COG5: variants seen among roughly 807,000 people sequenced by gnomAD.
COG5 encodes component of oligomeric golgi complex 5.
Under a neutral mutation model 110.4 loss-of-function variants are expected in COG5, and 86 were observed. The ratio of observed to expected loss-of-function variants is 0.78; its 90% confidence interval spans 0.65 to 0.93. The LOEUF (loss-of-function observed/expected upper bound fraction) is 0.93, where lower values mean the gene tolerates loss of function less well. COG5 is among the 40% of genes least tolerant of loss of function. COG5 has a pLI of 0.00. For synonymous variants in COG5, 360 were observed against 334.6 expected, an observed-to-expected ratio of 1.08 and a Z score of -0.83; for missense variants, 1,077 against 987.0, an observed-to-expected ratio of 1.09 and a Z score of -1.22.
At chr7:107,290,794 A>T (rs1806101086) in intron 12 of COG5, among the ~76,000 whole-genome samples, 1 of 151,958 alleles carries the variant, frequency 6.6e-6, no homozygotes, top group Non-Finnish European at 1.5e-5. Flanking sequence ...ACTCCCTTGT[A>T]AGTGAAGTAT....
chr7:107,361,226 C>A (rs192080232), intron 10 of COG5, among the ~76,000 whole-genome samples: 3 of 152,248 alleles, frequency 2.0e-5, no homozygotes, highest in Admixed American at 2.0e-4. Context: ...AATGTAGAAT[C>A]AGGGATTCCT....
At chr7:107,240,584 CTT>C (rs1801537308) in intron 17 of COG5, among the ~76,000 whole-genome samples, 1 of 152,200 alleles carries the variant, frequency 6.6e-6, no homozygotes, top group African/African-American at 2.4e-5. Flanking sequence ...TGAAGGTAAA[CTT>C]TATTCCTTTT....
chr7:107,512,488 T>G (rs893045179), intron 6 of COG5, among the ~76,000 whole-genome samples: 1 of 152,084 alleles, frequency 6.6e-6, no homozygotes, highest in African/African-American at 2.4e-5. Context: ...AATTTATAGA[T>G]TCAATGCCAT....
chr7:107,458,194 GA>G (rs1439773490), intron 6 of COG5, among the ~76,000 whole-genome samples: 16 of 152,154 alleles, frequency 1.1e-4, no homozygotes, highest in Admixed American at 9.2e-4. Context: ...AAGAAAAACA[GA>G]AAGAATTTGT....
chr7:107,509,179 A>C (rs1020065931), intron 6 of COG5, among the ~76,000 whole-genome samples: 2 of 152,196 alleles, frequency 1.3e-5, no homozygotes, highest in African/African-American at 4.8e-5. Flanking sequence ...TAACTAGAAT[A>C]ACCAATGCAG....
At chr7:107,215,867 A>G (rs62483628) in intron 19 of COG5, among the ~76,000 whole-genome samples, 77,719 of 150,994 alleles carry the variant, frequency 0.51, 20,166 homozygotes, top group African/African-American at 0.57. Context: ...CTGCCACCAC[A>G]CCTGGCTAAT....
intron 11 of COG5, among the ~76,000 whole-genome samples, chr7:107,300,927 C>A (rs1807207041): frequency 6.6e-6 from 1 of 152,030 alleles, no homozygotes; most frequent in Non-Finnish European, 1.5e-5. Flanking sequence ...ATAATTAATA[C>A]ACTAGTACTG....
chr7:107,224,326 GAAAACCCTC>G (rs1800167298), intron 19 of COG5, among the ~76,000 whole-genome samples: 1 of 152,154 alleles, frequency 6.6e-6, no homozygotes, highest in Admixed American at 6.5e-5. Flanking sequence ...TGTAGACCTA[GAAAACCCTC>G]ATTACTCCTA....
At chr7:107,366,733 A>G (rs1813659567) in intron 8 of COG5, among the ~76,000 whole-genome samples, 1 of 152,130 alleles carries the variant, frequency 6.6e-6, no homozygotes, top group African/African-American at 2.4e-5. Context: ...TTTTCCGTTC[A>G]TATGAAGGGA....
chr7:107,548,160 T>C lies in COG5; in HGVS notation c.368A>G (p.Glu123Gly), dbSNP rs1418350296. 3 of 1,613,820 alleles carry C rather than the reference T, an allele frequency of 1.9e-6. No individual in the cohort carries two copies. In the African/African-American group the frequency reaches 4.0e-5, roughly 22 times the overall value. The change falls in exon 5 of 22, where the codon GAA (glutamate) becomes GGA (glycine). Residue 123 changes from glutamate (E) to glycine (G), a missense_variant. Physicochemically the swap from Glu to Gly is moderately conservative, Grantham distance 98. Coordinates refer to ENST00000297135, the MANE Select transcript of COG5 (RefSeq NM_006348.5). ...CCGGGCAACTATCTTATTGTATGGT[T>C]CAACAATTTTTGCTTTTATCCTACA... ...AVDRIKAKIV[E>G]PYNKIVARTA...
intron 16 of COG5, 67 bp from the exon 17 acceptor site, chr7:107,248,566 GA>G (rs1802235942): frequency 3.7e-6 from 4 of 1,068,350 alleles, no homozygotes; most frequent in Non-Finnish European, 5.6e-6. Flanking sequence ...AAAGAAATTT[GA>G]GATGTGAGAA....
intron 13 of COG5, 110 bp downstream of exon 13, chr7:107,283,461 G>T: frequency 1.1e-6 from 1 of 895,034 alleles, no homozygotes; most frequent in Non-Finnish European, 1.7e-6. Flanking sequence ...TTAATTGTGG[G>T]CCTAATTACT....
At chr7:107,535,146 A>C (rs1801487223) in intron 5 of COG5, among the ~76,000 whole-genome samples, 1 of 151,660 alleles carries the variant, frequency 6.6e-6, no homozygotes, top group African/African-American at 2.4e-5. Context: ...AACATACCAG[A>C]ATCTCTGGGA....
intron 10 of COG5, among the ~76,000 whole-genome samples, chr7:107,343,792 T>G (rs915602091): frequency 6.6e-6 from 1 of 152,144 alleles, no homozygotes; most frequent in African/African-American, 2.4e-5. Flanking sequence ...GAAAACAACA[T>G]TAGTCTCCTT....
At chr7:107,386,722 A>C (rs1221952584) in intron 7 of COG5, among the ~76,000 whole-genome samples, 1 of 152,178 alleles carries the variant, frequency 6.6e-6, no homozygotes, top group Non-Finnish European at 1.5e-5. Context: ...CCAAAGCCCA[A>C]GGTTCCTGGA....
At chr7:107,475,647 T>TTTTTTA (rs1796930327) in intron 6 of COG5, 2 of 268,662 alleles carry the variant, frequency 7.4e-6, no homozygotes, top group Non-Finnish European at 1.5e-5. Flanking sequence ...AATAAATACA[T>TTTTTTA]AGCCTTAAAA....
chr7:107,234,793 C>T (rs1212334654), intron 18 of COG5, among the ~76,000 whole-genome samples: 3 of 150,756 alleles, frequency 2.0e-5, no homozygotes, highest in Non-Finnish European at 3.0e-5. Flanking sequence ...TTTTTTTAAA[C>T]AAATAAGAGG....
chr7:107,312,613 A>G (rs1393078625), intron 11 of COG5, among the ~76,000 whole-genome samples: 1 of 152,188 alleles, frequency 6.6e-6, no homozygotes, highest in Non-Finnish European at 1.5e-5. Context: ...GTAAATGCTG[A>G]GGAGAAAGAG....
intron 7 of COG5, among the ~76,000 whole-genome samples, chr7:107,390,962 C>A (rs1023225784): frequency 6.6e-6 from 1 of 151,812 alleles, no homozygotes; most frequent in African/African-American, 2.4e-5. Flanking sequence ...TGAAGGCACC[C>A]TAATCCTCTT....
Sources: gnomAD v4.1 joint callset for allele counts (sites outside exome capture counted in the v4.1 genomes callset) on GRCh38, gnomAD v4.1.1 for gene constraint, MANE v1.5 for transcripts, NCBI Gene and HGNC (gene_info 2026-07-23, HGNC 2026-07-21) for gene names.